The following KIAA1328 variants were observed in gnomAD, a reference collection of about 807,000 sequenced individuals.
KIAA1328 encodes the protein protein hinderin.
In KIAA1328, 52 loss-of-function variants were observed where a neutral mutation model predicts 68.1. The ratio of observed to expected loss-of-function variants is 0.76; its 90% CI spans 0.61 to 0.96. The LOEUF (loss-of-function observed/expected upper bound fraction) is 0.96. KIAA1328 is among the 40% of genes least tolerant of loss of function. The probability of loss-of-function intolerance (pLI) is 0.00; values close to 1 mark genes in which losing one functional copy is unlikely to be tolerated. For missense variants in KIAA1328, 641 were observed against 677.6 expected (o/e 0.95, Z 0.60); for synonymous variants, 232 against 239.4 (o/e 0.97, Z 0.28).
intron 6 of KIAA1328, among the ~76,000 whole-genome samples, chr18:36,982,964 C>A (rs1008136840): frequency 6.6e-6 from 1 of 151,642 alleles, no homozygotes; most frequent in Non-Finnish European, 1.5e-5. Context: ...AACCTTAAAG[C>A]AACCACTAAA....
At chr18:37,085,571 T>G (rs2057078790) in intron 7 of KIAA1328, among the ~76,000 whole-genome samples, 1 of 152,206 alleles carries the variant, frequency 6.6e-6, no homozygotes, top group Admixed American at 6.5e-5. Flanking sequence ...TATTCTGCCA[T>G]CTTGCTGACG....
downstream of KIAA1328, among the ~76,000 whole-genome samples, chr18:37,229,211 G>A (rs1294974323): frequency 3.9e-5 from 6 of 152,114 alleles, no homozygotes; most frequent in South Asian, 2.1e-4. Flanking sequence ...AGTGGAGGCC[G>A]GTGGGTGCCA....
At chr18:37,049,674 A>G (rs1029076334) in intron 6 of KIAA1328, among the ~76,000 whole-genome samples, 25 of 152,296 alleles carry the variant, frequency 1.6e-4, no homozygotes, top group Non-Finnish European at 2.4e-4. Flanking sequence ...TCTGATCTAT[A>G]GCCACCTACA....
chr18:37,052,041 CAA>C (rs879749688), intron 6 of KIAA1328, among the ~76,000 whole-genome samples: 2 of 121,618 alleles, frequency 1.6e-5, no homozygotes, highest in Non-Finnish European at 3.5e-5. Context: ...GACTACGTCT[CAA>C]AAAAAAAAAA....
At chr18:37,191,499 C>T (rs1423089532) in intron 9 of KIAA1328, among the ~76,000 whole-genome samples, 1 of 152,172 alleles carries the variant, frequency 6.6e-6, no homozygotes, top group Non-Finnish European at 1.5e-5. Flanking sequence ...CTTGGGAGAA[C>T]ATCCTGGTTA....
chr18:37,169,360 TTTCA>T, intron 8 of KIAA1328, among the ~76,000 whole-genome samples: 2 of 152,040 alleles, frequency 1.3e-5, no homozygotes, highest in Non-Finnish European at 2.9e-5. Context: ...AGATATGGGG[TTTCA>T]CTATGTTGGC....
At chr18:36,978,977 T>C (rs2052577701) in intron 6 of KIAA1328, among the ~76,000 whole-genome samples, 1 of 152,040 alleles carries the variant, frequency 6.6e-6, no homozygotes. Flanking sequence ...CTGGGCAACA[T>C]AGCCAGACCC....
Position 36,829,155 on chromosome 18 carries a change from GCCCCTCCCGCC to G in KIAA1328, c.20_30del (p.Pro7GlnfsTer12). On this transcript the variant is annotated frameshift_variant, in exon 1 of 10. Transcript: ENST00000280020. LOFTEE classifies it high-confidence loss of function. ...TGTTTCAAGATGGCGGACGTGGCGG[GCCCCTCCCGCC>G]CCAGTGCCGCGGCGTTCTGGAGCCG... is the stretch of plus-strand genomic sequence containing the variant. 6.5e-7 allele frequency: 1 copy of G among 1,532,936 alleles called. No individual in the cohort carries two copies. Among genetic ancestry groups the G allele is most frequent in the Non-Finnish European group, 8.8e-7 (1 of 1,142,228 alleles). 95.0% of individuals were successfully genotyped at this position (1,532,936 alleles called of 1,614,324 possible).
At chr18:36,859,644 C>A (rs184986667) in intron 4 of KIAA1328, among the ~76,000 whole-genome samples, 125 of 151,378 alleles carry the variant, frequency 8.3e-4, no homozygotes, top group African/African-American at 2.8e-3. Flanking sequence ...GGGACAGTGC[C>A]TCGCTGTGTT....
At chr18:37,131,422 A>G (rs933316270) in intron 7 of KIAA1328, among the ~76,000 whole-genome samples, 2 of 152,138 alleles carry the variant, frequency 1.3e-5, no homozygotes, top group East Asian at 3.9e-4. Context: ...ACCTTTCAAC[A>G]CTGTAAGAGA....
At chr18:37,040,826 A>G (rs955490344) in intron 6 of KIAA1328, among the ~76,000 whole-genome samples, 1 of 151,738 alleles carries the variant, frequency 6.6e-6, no homozygotes, top group Non-Finnish European at 1.5e-5. Flanking sequence ...TTTTAGATGT[A>G]TATTAATTTT....
In KIAA1328 at chr18:36,997,094, T is replaced by A. The variant is rs551401364; in HGVS notation, c.576+37659T>A. Reference sequence around the variant, plus strand: ...GTTTGCCTCTGTCTTTCTCTACTCCTCTCCATCCCCACCTGTGAAAAAAAA... The same window carrying A: ...GTTTGCCTCTGTCTTTCTCTACTCCACTCCATCCCCACCTGTGAAAAAAAA... On this transcript the variant is annotated intron_variant, in intron 6 of 9. Coordinates refer to ENST00000280020, the MANE Select transcript of KIAA1328 (RefSeq NM_020776.3). Among the ~76,000 whole-genome samples, 78 of 151,860 alleles carry A rather than the reference T, an allele frequency of 5.1e-4. 1 individual carries two copies. Among genetic ancestry groups the A allele is most frequent in the Non-Finnish European group, 6.8e-4 (46 of 67,992 alleles).
intron 6 of KIAA1328, among the ~76,000 whole-genome samples, chr18:37,040,533 T>A (rs1235942006): frequency 2.0e-5 from 3 of 152,086 alleles, no homozygotes; most frequent in Non-Finnish European, 4.4e-5. Context: ...AACTTTGGAT[T>A]TCATTGATTT....
chr18:37,145,346 A>G (rs543689519), intron 7 of KIAA1328, among the ~76,000 whole-genome samples: 2 of 152,164 alleles, frequency 1.3e-5, no homozygotes, highest in Non-Finnish European at 2.9e-5. Flanking sequence ...TTAGAAATGT[A>G]TTGAACTTTA....
At chr18:37,125,204 C>CA (rs2058362380) in intron 7 of KIAA1328, among the ~76,000 whole-genome samples, 1 of 151,978 alleles carries the variant, frequency 6.6e-6, no homozygotes, top group African/African-American at 2.4e-5. Flanking sequence ...CCTGTAGTCC[C>CA]AGTTGCTCAG....
At chr18:36,848,242 G>A (rs754849958) in intron 4 of KIAA1328, among the ~76,000 whole-genome samples, 8 of 151,368 alleles carry the variant, frequency 5.3e-5, no homozygotes, top group Non-Finnish European at 8.9e-5. Flanking sequence ...AATTTTTCTA[G>A]GCAGTGATAT....
rs1318896662 is a variant in KIAA1328 at position 37,008,513 on chromosome 18, CA to C, written c.576+49086del. 5.3e-5 allele frequency among the ~76,000 whole-genome samples: 8 copies of C among 151,738 alleles called. No individual in the cohort carries two copies. In the East Asian group the frequency reaches 5.8e-4, roughly 11 times the overall value. ...ATATAATTCAAAATAGTGCTACCTA[CA>C]AAAAAAACCCAGAAAATTATAACCA... On this transcript the variant is annotated intron_variant, in intron 6 of 9. Coordinates refer to ENST00000280020, the MANE Select transcript of KIAA1328 (RefSeq NM_020776.3).
chr18:36,868,990 G>A (rs1377822798), intron 4 of KIAA1328, among the ~76,000 whole-genome samples: 1 of 149,492 alleles, frequency 6.7e-6, no homozygotes, highest in Non-Finnish European at 1.5e-5. Flanking sequence ...TACATTGATT[G>A]CGTACAATAT....
At chr18:37,152,102 A>G (rs985743244) in intron 7 of KIAA1328, among the ~76,000 whole-genome samples, 1 of 151,652 alleles carries the variant, frequency 6.6e-6, no homozygotes, top group Non-Finnish European at 1.5e-5. Context: ...TATGTAAAAA[A>G]AAAAAAAAAA....
Sources: allele counts gnomAD v4.1 joint callset (sites outside exome capture counted in the v4.1 genomes callset), GRCh38; gene constraint gnomAD v4.1.1; transcripts MANE v1.5; gene names NCBI Gene and HGNC (gene_info 2026-07-23, HGNC 2026-07-21).